Variants in SCAI observed in about 807,000 individuals in gnomAD.
SCAI encodes the protein suppressor of cancer cell invasion, also known as protein SCAI.
Under a neutral mutation model 92.2 loss-of-function variants are expected in SCAI, and 24 were observed. The ratio of observed to expected loss-of-function variants is 0.26; its 90% CI spans 0.19 to 0.37. The LOEUF (loss-of-function observed/expected upper bound fraction) is 0.37, where lower values mean the gene tolerates loss of function less well. Among genes scored for constraint, SCAI ranks in the 10% least tolerant of loss-of-function variants. The probability of loss-of-function intolerance (pLI) is 1.00; values close to 1 mark genes in which losing one functional copy is unlikely to be tolerated. For synonymous variants in SCAI, 261 were observed against 258.6 expected (o/e 1.01, Z -0.09); for missense variants, 450 against 736.2 (o/e 0.61, Z 4.50).
intron 2 of SCAI, among the ~76,000 whole-genome samples, chr9:125,063,129 G>A (rs1009761622): frequency 4.6e-5 from 7 of 151,296 alleles, no homozygotes; most frequent in Admixed American, 2.6e-4. Context: ...GCAAGATTAG[G>A]CCCAGCGCAG....
At position 124,948,981 on chromosome 9, in the gene SCAI, T is replaced by C. The variant is rs928137035; in HGVS notation, c.*3826A>G. On this transcript the variant is annotated 3_prime_UTR_variant, in exon 18 of 18. Coordinates refer to ENST00000336505, the MANE Select transcript of SCAI (RefSeq NM_001144877.3). ...TGCCACTATCATCAGCTCAAGCCCA[T>C]TGGGCAACTGTCCTTTTAGATAATT... The C allele has an allele frequency of 2.6e-5, 4 of 152,234 alleles. No homozygotes were observed. Among genetic ancestry groups the C allele is most frequent in the African/African-American group, 7.2e-5 (3 of 41,464 alleles). 9.4% of individuals were successfully genotyped at this position (152,234 alleles called of 1,614,324 possible).
chr9:124,963,582 T>G (rs557046466), intron 17 of SCAI, among the ~76,000 whole-genome samples: 10 of 151,300 alleles, frequency 6.6e-5, no homozygotes, highest in African/African-American at 2.2e-4. Flanking sequence ...AAATCCCACC[T>G]CTACTAAAAA....
At chr9:125,066,047 G>A (rs1209011908) in intron 2 of SCAI, 3 of 770,162 alleles carry the variant, frequency 3.9e-6, no homozygotes, top group African/African-American at 1.7e-5. Context: ...GCTATCACCA[G>A]AACCTCTGAT....
chr9:124,996,264 C>A (rs892212680), intron 13 of SCAI, among the ~76,000 whole-genome samples: 2 of 151,916 alleles, frequency 1.3e-5, no homozygotes, highest in African/African-American at 4.8e-5. Context: ...GACACATAAG[C>A]TTTACTCTTT....
chr9:125,050,070 G>A (rs771476525), intron 3 of SCAI, among the ~76,000 whole-genome samples: 6 of 150,828 alleles, frequency 4.0e-5, no homozygotes, highest in Admixed American at 2.7e-4. Context: ...ACAACATGTG[G>A]AAAAGGAGAA....
intron 3 of SCAI, among the ~76,000 whole-genome samples, chr9:125,032,195 A>ATATATTTTTTTTTT (rs1177865840): frequency 7.0e-5 from 7 of 99,448 alleles, no homozygotes; most frequent in African/African-American, 3.3e-4. Context: ...ATATATATAT[A>ATATATTTTTTTTTT]TTTTTTTTTT....
intron 13 of SCAI, among the ~76,000 whole-genome samples, chr9:124,996,102 G>A: frequency 6.6e-6 from 1 of 151,648 alleles, no homozygotes; most frequent in African/African-American, 2.4e-5. Flanking sequence ...ATATATTCAA[G>A]GTATACAATG....
chr9:125,096,900 A>G (rs184999291), intron 2 of SCAI, among the ~76,000 whole-genome samples: 4 of 152,344 alleles, frequency 2.6e-5, no homozygotes, highest in South Asian at 2.1e-4. Context: ...ACCACATCCT[A>G]TGACAGTAAA....
intron 17 of SCAI, among the ~76,000 whole-genome samples, chr9:124,960,867 C>T (rs979566412): frequency 6.6e-6 from 1 of 151,990 alleles, no homozygotes; most frequent in Non-Finnish European, 1.5e-5. Flanking sequence ...TGCCTATTAC[C>T]CCACTTTGGG....
chr9:124,963,224 C>T (rs1310721634), intron 17 of SCAI, among the ~76,000 whole-genome samples: 2 of 151,806 alleles, frequency 1.3e-5, no homozygotes, highest in Non-Finnish European at 2.9e-5. Context: ...GCAACCTCTG[C>T]CTCCCAGGTT....
chr9:125,102,699 G>A (rs1449428159), intron 2 of SCAI, among the ~76,000 whole-genome samples: 6 of 151,860 alleles, frequency 4.0e-5, no homozygotes, highest in Admixed American at 6.6e-5. Context: ...CCAGGTTCAC[G>A]CAATTCTCCT....
Position 125,080,165 on chromosome 9 carries a change from A to G in SCAI, c.99-24158T>C, listed in dbSNP as rs145376301. Among the ~76,000 whole-genome samples the G allele has an allele frequency of 6.0e-3, 907 of 152,280 alleles. 10 individuals are homozygous for G. Among genetic ancestry groups the G allele is most frequent in the East Asian group, 0.03 (155 of 5,184 alleles). ...ATCAAGCTCCCACGCTCCAGAAACT[A>G]TGCCAGGCATTTTATATACATATCA... On this transcript the variant is annotated intron_variant, in intron 2 of 17. Coordinates refer to ENST00000336505, the MANE Select transcript of SCAI (RefSeq NM_001144877.3).
chr9:124,953,266 C>G (rs1831260095), intron 17 of SCAI, among the ~76,000 whole-genome samples: 1 of 152,032 alleles, frequency 6.6e-6, no homozygotes, highest in African/African-American at 2.4e-5. Flanking sequence ...GGGGGAAAAT[C>G]CTAACACATA....
chr9:124,968,817 T>C (rs2131585737), intron 17 of SCAI: 3 of 703,012 alleles, frequency 4.3e-6, no homozygotes, highest in Non-Finnish European at 7.7e-6. Flanking sequence ...CCAGCAGCCA[T>C]AGAGCGGGGC....
At chr9:125,087,556 T>C (rs1834346462) in intron 2 of SCAI, among the ~76,000 whole-genome samples, 2 of 152,210 alleles carry the variant, frequency 1.3e-5, no homozygotes, top group South Asian at 2.1e-4. Flanking sequence ...AAAGAGAAAG[T>C]ATTGCATTAT....
At chr9:125,023,389 T>C (rs919940712) in intron 6 of SCAI, among the ~76,000 whole-genome samples, 3 of 152,210 alleles carry the variant, frequency 2.0e-5, no homozygotes, top group Non-Finnish European at 4.4e-5. Context: ...TTTCTAGGTG[T>C]TTAGTATTTC....
chr9:124,974,278 T>TA, intron 15 of SCAI: 1 of 439,330 alleles, frequency 2.3e-6, no homozygotes, highest in Admixed American at 2.6e-5. Context: ...ACCCAGTCCC[T>TA]ACAAAAAAAA....
intron 9 of SCAI, among the ~76,000 whole-genome samples, chr9:125,004,751 ATATATATATATATATATATATATATATAT>A (rs1564374477): frequency 9.5e-5 from 1 of 10,558 alleles, no homozygotes; most frequent in African/African-American, 3.1e-4. Flanking sequence ...ATATATATAT[ATATATATATATATATATATATATATATAT>A]TTTTTTTTTT....
chr9:125,017,543 T>C (rs918883225), intron 9 of SCAI, among the ~76,000 whole-genome samples: 5 of 152,206 alleles, frequency 3.3e-5, no homozygotes, highest in Admixed American at 2.0e-4. Flanking sequence ...AAGTGATTGA[T>C]AGATGCTAGG....
Sources: gnomAD v4.1 joint callset for allele counts (sites outside exome capture counted in the v4.1 genomes callset) on GRCh38, gnomAD v4.1.1 for gene constraint, MANE v1.5 for transcripts, NCBI Gene and HGNC (gene_info 2026-07-23, HGNC 2026-07-21) for gene names.